LRRC4C: variants seen among roughly 807,000 people sequenced by gnomAD.
LRRC4C encodes the protein leucine rich repeat containing 4C.
A neutral mutation model predicts 33.6 loss-of-function variants in LRRC4C; 5 were observed. The ratio of observed to expected loss-of-function variants is 0.15; its 90% confidence interval spans 0.08 to 0.31. The LOEUF (loss-of-function observed/expected upper bound fraction) is 0.31. LRRC4C is among the 10% of genes least tolerant of loss of function. The pLI is 1.00. For synonymous variants in LRRC4C, 329 were observed against 302.0 expected (o/e 1.09, Z -0.93); for missense variants, 560 against 796.7 (o/e 0.70, Z 3.58).
At chr11:41,088,113 A>G (rs561586093) in intron 1 of LRRC4C, among the ~76,000 whole-genome samples, 1 of 152,214 alleles carries the variant, frequency 6.6e-6, no homozygotes, top group South Asian at 2.1e-4. Context: ...CCCTTTTGAA[A>G]ACTCCTAATG....
chr11:41,127,499 G>A (rs967358060), intron 1 of LRRC4C, among the ~76,000 whole-genome samples: 2 of 151,974 alleles, frequency 1.3e-5, no homozygotes, highest in African/African-American at 4.8e-5. Flanking sequence ...TTGGTACTCT[G>A]AAATGGGCAT....
At chr11:41,415,464 A>T (rs1954642003) in intron 1 of LRRC4C, among the ~76,000 whole-genome samples, 1 of 152,166 alleles carries the variant, frequency 6.6e-6, no homozygotes. Flanking sequence ...GTCCTTGTTC[A>T]AGTTTAACCG....
intron 1 of LRRC4C, among the ~76,000 whole-genome samples, chr11:41,271,639 T>A (rs1949324570): frequency 6.6e-6 from 1 of 152,012 alleles, no homozygotes; most frequent in Non-Finnish European, 1.5e-5. Context: ...TGTATCAAAA[T>A]AAAAAAATAC....
rs748483585 is a variant in LRRC4C, at chr11:40,834,911, G to GACAGACACACAC, written c.-407+98723_-407+98724insGTGTGTGTCTGT. ...AGACAGACAGACAGACAGACAGACA[G>GACAGACACACAC]ACACACACACACACACACACACACA... On this transcript the variant is annotated intron_variant, in intron 2 of 6. Transcript: ENST00000528697. 3.7e-3 allele frequency among the ~76,000 whole-genome samples: 311 copies of GACAGACACACAC among 84,926 alleles called. 1 individual carries two copies. Among genetic ancestry groups the GACAGACACACAC allele is most frequent in the East Asian group, 7.5e-3 (16 of 2,124 alleles). 55.7% of individuals were successfully genotyped at this position (84,926 alleles called of 152,430 possible).
At chr11:40,648,797 G>A (rs1438900050) in intron 2 of LRRC4C, among the ~76,000 whole-genome samples, 1 of 152,130 alleles carries the variant, frequency 6.6e-6, no homozygotes, top group Admixed American at 6.5e-5. Flanking sequence ...CAATATTTCA[G>A]CGTAGGTTCT....
intron 1 of LRRC4C, among the ~76,000 whole-genome samples, chr11:40,971,073 G>C (rs1851695712): frequency 1.3e-5 from 2 of 152,160 alleles, no homozygotes; most frequent in African/African-American, 4.8e-5. Flanking sequence ...TTGCAGCCTG[G>C]CCATGCAGTA....
chr11:41,449,114 G>A (rs539051823), intron 1 of LRRC4C, among the ~76,000 whole-genome samples: 125 of 152,318 alleles, frequency 8.2e-4, no homozygotes, highest in Admixed American at 2.0e-3. Flanking sequence ...TGCAAGGCTG[G>A]AGCTAGCAGA....
intron 2 of LRRC4C, among the ~76,000 whole-genome samples, chr11:40,899,997 T>C (rs555920082): frequency 1.4e-4 from 21 of 152,180 alleles, no homozygotes; most frequent in Non-Finnish European, 2.8e-4. Context: ...CCCATGGTTT[T>C]AGTGTTTTAA....
chr11:41,206,786 G>A (rs182875572), intron 1 of LRRC4C, among the ~76,000 whole-genome samples: 3 of 152,070 alleles, frequency 2.0e-5, no homozygotes, highest in Middle Eastern at 3.4e-3. Context: ...CTATTTGGGG[G>A]TTTCCCTGTA....
At chr11:40,362,828 G>T (rs2137183601) in intron 3 of LRRC4C, among the ~76,000 whole-genome samples, 1 of 152,242 alleles carries the variant, frequency 6.6e-6, no homozygotes, top group Middle Eastern at 3.4e-3. Flanking sequence ...CAACATCACT[G>T]ATCATTAGAG....
rs1565274740 is a variant in LRRC4C, at chr11:40,987,681, T to TATATCTATATATATATATATATG, written c.-495-53959_-495-53958insCATATATATATATATATAGATAT. ...ATATATATGAGATATAAATGATATA[T>TATATCTATATATATATATATATG]ATATATATATCTCATATATATGAGA... On this transcript the variant is annotated intron_variant, in intron 1 of 6. Coordinates refer to ENST00000528697, the MANE Select transcript of LRRC4C (RefSeq NM_001258419.2). Among the ~76,000 whole-genome samples, 220 of 74,624 alleles carry TATATCTATATATATATATATATG rather than the reference T, an allele frequency of 2.9e-3. 11 individuals carry two copies. Among genetic ancestry groups the TATATCTATATATATATATATATG allele is most frequent in the Admixed American group, 0.027 (192 of 7,120 alleles). The allele number at this position is 74,624 out of a possible 152,430, so 49.0% of individuals were successfully genotyped here.
rs186639888 is a variant in LRRC4C, at chr11:40,686,941, T to A, written c.-406-38663A>T. Among the ~76,000 whole-genome samples the A allele has an allele frequency of 3.2e-3, 489 of 152,146 alleles. 1 individual carries two copies. The highest frequency in any genetic ancestry group is 5.4e-3 in the Non-Finnish European group (366 of 67,978). On this transcript the variant is annotated intron_variant, in intron 2 of 6. Coordinates refer to ENST00000528697, the MANE Select transcript of LRRC4C (RefSeq NM_001258419.2). ...GACCAGTGGCAATCATATTACCTAT[T>A]GGTAATACAAAACCTCAGGCCACAC...
intron 5 of LRRC4C, among the ~76,000 whole-genome samples, 166 bp from the exon 6 acceptor site, chr11:40,141,019 C>G (rs1232865537): frequency 6.6e-6 from 1 of 152,058 alleles, no homozygotes; most frequent in Non-Finnish European, 1.5e-5. Context: ...AAAGCCAAAG[C>G]AACTCTCTTA....
intron 2 of LRRC4C, among the ~76,000 whole-genome samples, chr11:40,731,229 G>C (rs536335163): frequency 6.6e-6 from 1 of 152,248 alleles, no homozygotes; most frequent in Admixed American, 6.5e-5. Context: ...TGAGGCAGGA[G>C]AATGGCGTGA....
chr11:40,482,511 G>A (rs768763058), intron 3 of LRRC4C, among the ~76,000 whole-genome samples: 8 of 151,378 alleles, frequency 5.3e-5, no homozygotes, highest in Non-Finnish European at 1.0e-4. Context: ...CTCTGTTACC[G>A]AGGCTGGAGT....
At chr11:40,450,116 T>C (rs1299166161) in intron 3 of LRRC4C, among the ~76,000 whole-genome samples, 2 of 152,164 alleles carry the variant, frequency 1.3e-5, no homozygotes, top group Non-Finnish European at 2.9e-5. Flanking sequence ...CTCATTATTA[T>C]ATGGGCAGGT....
chr11:40,583,981 A>T (rs1958590620), intron 3 of LRRC4C, among the ~76,000 whole-genome samples: 1 of 151,664 alleles, frequency 6.6e-6, no homozygotes, highest in African/African-American at 2.4e-5. Flanking sequence ...CTGACAAAAC[A>T]AAAGTTCTAA....
chr11:40,457,109 A>G (rs1027787981), intron 3 of LRRC4C, among the ~76,000 whole-genome samples: 3 of 150,212 alleles, frequency 2.0e-5, no homozygotes, highest in African/African-American at 5.0e-5. Flanking sequence ...AAAAGAAAAA[A>G]AAAAAAGAAA....
chr11:40,495,699 G>A (rs778765361), intron 3 of LRRC4C, among the ~76,000 whole-genome samples: 10 of 151,338 alleles, frequency 6.6e-5, no homozygotes, highest in Non-Finnish European at 1.3e-4. Context: ...TAAGTTGGGT[G>A]AAAGAATCTC....
Sources: gnomAD v4.1 joint callset for allele counts (sites outside exome capture counted in the v4.1 genomes callset) on GRCh38, gnomAD v4.1.1 for gene constraint, MANE v1.5 for transcripts, NCBI Gene and HGNC (gene_info 2026-07-23, HGNC 2026-07-21) for gene names.